The following NRAP variants were observed in gnomAD, a reference collection of about 807,000 sequenced individuals.
NRAP encodes the protein nebulin related anchoring protein, also known as nebulin-related-anchoring protein.
In NRAP, 189 loss-of-function variants were observed where a neutral mutation model predicts 225.9. The observed-to-expected ratio is 0.84, with a 90% CI of 0.74 to 0.94. The LOEUF is 0.94. Among genes scored for constraint, NRAP ranks in the 40% least tolerant of loss-of-function variants. NRAP has a pLI of 0.00. For missense variants in NRAP, 2,176 were observed against 2,168.7 expected, an observed-to-expected ratio of 1.00 and a Z score of -0.07; for synonymous variants, 769 against 790.7, an observed-to-expected ratio of 0.97 and a Z score of 0.46.
intron 14 of NRAP, among the ~76,000 whole-genome samples, chr10:113,638,167 T>A (rs3121460): frequency 0.55 from 84,222 of 151,976 alleles, 24,583 homozygotes; most frequent in East Asian, 0.73. Flanking sequence ...ATGTCACAAA[T>A]ACTATATTTT....
chr10:113,654,478 T>G (rs999520010), intron 4 of NRAP, among the ~76,000 whole-genome samples: 1 of 140,002 alleles, frequency 7.1e-6, no homozygotes, highest in Non-Finnish European at 1.5e-5. Context: ...ACCTGTTATG[T>G]GCTTGACAAC....
intron 41 of NRAP, chr10:113,589,394 GC>G: frequency 1.7e-6 from 1 of 574,996 alleles, no homozygotes; most frequent in Non-Finnish European, 3.1e-6. Flanking sequence ...AGCCTGGGCT[GC>G]CCTGGCCCGG....
Position 113,621,970 on chromosome 10 carries a change from C to T in NRAP, c.2668G>A (p.Ala890Thr). 6.2e-7 allele frequency: 1 copy of T among 1,614,238 alleles called. No homozygotes were observed. The highest frequency in any genetic ancestry group is 1.1e-5 in the South Asian group (1 of 91,086). ...GCTGTCTTGTAGCCTACGTCTGTGG[C>T]TAAATGCTGAGCTTTGCGGGCATGC... ...LVHARKAQHLATDVGYKTAEH... is the reference protein window; with the variant it reads ...LVHARKAQHLTTDVGYKTAEH... Residue 890 changes from alanine to threonine, a missense_variant, in exon 24 of 42, where the codon GCC (alanine) becomes ACC (threonine). By Grantham distance (58) the Ala-to-Thr change is moderately conservative (BLOSUM62 0). Around this residue, in one of 3 missense-constraint regions of NRAP, gnomAD observed 1,708 missense variants for 1,695.5 expected, o/e 1.01. Transcript: ENST00000359988.
In NRAP at chr10:113,588,802, G is replaced by A. The variant is rs1481227590; in HGVS notation, c.*173C>T. ...CAGCCATCCACGTCTAGGTATCAGA[G>A]AGGACCACAAATACAACATTCTCCA... On this transcript the variant is annotated 3_prime_UTR_variant, in exon 42 of 42. Coordinates refer to ENST00000359988, the MANE Select transcript of NRAP (RefSeq NM_198060.4). 1.6e-6 allele frequency: 1 copy of A among 617,182 alleles called. No individual in the cohort carries two copies. The highest frequency in any genetic ancestry group is 2.9e-6 in the Non-Finnish European group (1 of 346,914). The allele number at this position is 617,182 out of a possible 1,614,324, so 38.2% of individuals were successfully genotyped here. A position where few individuals can be genotyped will look rare whatever the true frequency, so the allele number is the denominator to read the frequency against.
intron 38 of NRAP, among the ~76,000 whole-genome samples, chr10:113,592,595 C>G (rs538515369): frequency 6.6e-6 from 1 of 152,122 alleles, no homozygotes; most frequent in Non-Finnish European, 1.5e-5. Flanking sequence ...GCCTCCACCC[C>G]ACTCCTTCCT....
intron 14 of NRAP, among the ~76,000 whole-genome samples, chr10:113,635,610 T>A (rs1218160437): frequency 2.0e-5 from 3 of 152,122 alleles, no homozygotes; most frequent in Admixed American, 2.0e-4. Context: ...GTATTTTTAG[T>A]AGAGACAGGG....
At chr10:113,595,536 T>C (rs1846237731) in intron 38 of NRAP, 87 bp downstream of exon 38, 2 of 811,272 alleles carry the variant, frequency 2.5e-6, no homozygotes, top group Non-Finnish European at 4.2e-6. Flanking sequence ...TCCTAGAACT[T>C]TTTTTTTTAA....
intron 4 of NRAP, among the ~76,000 whole-genome samples, chr10:113,654,610 A>G (rs1235052687): frequency 6.6e-6 from 1 of 152,210 alleles, no homozygotes; most frequent in Non-Finnish European, 1.5e-5. Context: ...GCAATTAGAA[A>G]ACAGTTATGT....
chr10:113,605,049 G>A (rs1215339773), intron 34 of NRAP, 129 bp from the exon 35 acceptor site: 53 of 911,380 alleles, frequency 5.8e-5, no homozygotes. Flanking sequence ...GCCTGAGAGT[G>A]TGCCTTCCTC....
chr10:113,631,853 G>A lies in NRAP; in HGVS notation c.1740+4C>T, dbSNP rs17090786. The A allele has an allele frequency of 0.015, 23,313 of 1,580,172 alleles. 225 individuals are homozygous for A. Among genetic ancestry groups the A allele is most frequent in the Non-Finnish European group, 0.018 (20,357 of 1,149,234 alleles). On this transcript the variant is annotated splice_donor_region_variant and intron_variant, in intron 17 of 41. Transcript: ENST00000359988. ...CATTCCTGAGTTAATGAGAGGAAAC[G>A]TACATTGCTAGCAAGCTCCCCAGAG...
intron 38 of NRAP, 61 bp from the exon 39 acceptor site, chr10:113,592,362 C>A: frequency 8.8e-7 from 1 of 1,132,702 alleles, no homozygotes; most frequent in Non-Finnish European, 1.3e-6. Context: ...TTCCATGTTG[C>A]TGGTACTCAG....
chr10:113,602,984 G>A lies in NRAP; in HGVS notation c.4227+1625C>T, dbSNP rs193022237. Among the ~76,000 whole-genome samples, 793 of 152,312 alleles carry A rather than the reference G, an allele frequency of 5.2e-3. 6 individuals are homozygous for A. Among genetic ancestry groups the A allele is most frequent in the Non-Finnish European group, 5.5e-3 (377 of 68,034 alleles). On this transcript the variant is annotated intron_variant, in intron 35 of 41. Coordinates refer to ENST00000359988, the MANE Select transcript of NRAP (RefSeq NM_198060.4). ...TGTTACTAAATATCCTGAAATGCACGGGACAGGCCCCTAAAACAAACAATT... is the reference window on the plus strand; with the variant it reads ...TGTTACTAAATATCCTGAAATGCACAGGACAGGCCCCTAAAACAAACAATT...
At chr10:113,608,871 C>T (rs1393402879) in intron 31 of NRAP, among the ~76,000 whole-genome samples, 1 of 152,172 alleles carries the variant, frequency 6.6e-6, no homozygotes. Flanking sequence ...TTTAAAAAAA[C>T]AGACATGCCA....
Position 113,662,773 on chromosome 10 carries a change from C to T in NRAP, c.168-7G>A. On this transcript the variant is annotated splice_polypyrimidine_tract_variant and splice_region_variant and intron_variant, in intron 2 of 41. Transcript: ENST00000359988. ...GTTGTTCTTAGGGTTATGGCTACAACAAATAGGTATAAATCAAAATTAGAA... is the reference window on the plus strand; with the variant it reads ...GTTGTTCTTAGGGTTATGGCTACAATAAATAGGTATAAATCAAAATTAGAA... 6.9e-7 allele frequency: 1 copy of T among 1,457,428 alleles called. No individual in the cohort carries two copies. 90.3% of individuals were successfully genotyped at this position (1,457,428 alleles called of 1,614,324 possible).
At chr10:113,610,354 TAAAA>T (rs35334254) in intron 31 of NRAP, 101 bp downstream of exon 31, 381 of 396,876 alleles carry the variant, frequency 9.6e-4, no homozygotes, top group Middle Eastern at 2.0e-3. Context: ...CATCTCAAAT[TAAAA>T]AAAAAAAAAA....
At chr10:113,635,458 C>A (rs1848816001) in intron 14 of NRAP, among the ~76,000 whole-genome samples, 1 of 152,188 alleles carries the variant, frequency 6.6e-6, no homozygotes, top group Non-Finnish European at 1.5e-5. Context: ...GACAGAGTCT[C>A]ACTATGTCAC....
chr10:113,650,987 C>T (rs553352940), intron 7 of NRAP, among the ~76,000 whole-genome samples: 15 of 152,332 alleles, frequency 9.8e-5, no homozygotes, highest in Admixed American at 5.2e-4. Context: ...TCTTATTATG[C>T]TGTGCAACAT....
In NRAP at chr10:113,597,968, C is replaced by A. The variant is rs112987128; in HGVS notation, c.4332+1G>T. On this transcript the variant is annotated splice_donor_variant, in intron 36 of 41. Coordinates refer to ENST00000359988, the MANE Select transcript of NRAP (RefSeq NM_198060.4). LOFTEE classifies it high-confidence loss of function. ...TTGTGGTGGGGACAGGTTGATGGTA[C>A]CTCGCTGATGAGTTCTCCAGCCTTC... 3 of 1,601,108 alleles carry A rather than the reference C, an allele frequency of 1.9e-6. No homozygotes were observed. Among genetic ancestry groups the A allele is most frequent in the Non-Finnish European group, 1.7e-6 (2 of 1,168,234 alleles).
intron 9 of NRAP, 55 bp from the exon 10 acceptor site, chr10:113,647,082 G>A (rs929340821): frequency 5.2e-6 from 6 of 1,143,254 alleles, no homozygotes; most frequent in Non-Finnish European, 8.0e-6. Context: ...CAGATGGGTG[G>A]GGTTCAGCAA....
Sources: gnomAD v4.1 joint callset for allele counts (sites outside exome capture counted in the v4.1 genomes callset) on GRCh38, gnomAD v4.1.1 for gene constraint, gnomAD v4.1.1 regional missense constraint, MANE v1.5 for transcripts, NCBI Gene and HGNC (gene_info 2026-07-23, HGNC 2026-07-21) for gene names.